MICAL1: variants seen among roughly 807,000 people sequenced by gnomAD.
The protein encoded by MICAL1 is [F-actin]-monooxygenase MICAL1.
Under a neutral mutation model 131.8 loss-of-function variants are expected in MICAL1, and 95 were observed. The observed-to-expected ratio is 0.72, with a 90% CI of 0.61 to 0.86. The LOEUF (loss-of-function observed/expected upper bound fraction) is 0.86. Ranked by LOEUF, MICAL1 falls within the 40% of genes least tolerant of loss-of-function variation. The pLI is 0.00. For missense variants in MICAL1, 1,292 were observed against 1,380.6 expected (o/e 0.94, Z 1.02); for synonymous variants, 546 against 554.2 (o/e 0.99, Z 0.21).
intron 3 of MICAL1, 119 bp from the exon 4 acceptor site, chr6:109,453,486 G>A: frequency 1.3e-6 from 2 of 1,498,616 alleles, no homozygotes; most frequent in Non-Finnish European, 1.8e-6. Flanking sequence ...CAGCCCAAAA[G>A]CCCACTTATA....
At chr6:109,446,529 T>C in intron 18 of MICAL1, 117 bp from the exon 19 acceptor site, 1 of 1,432,276 alleles carries the variant, frequency 7.0e-7, no homozygotes, top group Non-Finnish European at 9.7e-7. Context: ...GGCTGTGTTT[T>C]AGATACTTGA....
intron 1 of MICAL1, chr6:109,463,977 G>A (rs1775972185): frequency 6.6e-6 from 1 of 152,138 alleles, no homozygotes; most frequent in Non-Finnish European, 1.5e-5. Context: ...CGTATTTTCT[G>A]AATAATCACC....
At chr6:109,462,548 A>C (rs938836509) in intron 1 of MICAL1, 1 of 152,254 alleles carries the variant, frequency 6.6e-6, no homozygotes, top group African/African-American at 2.4e-5. Flanking sequence ...AAACCTAGAT[A>C]AGCATCTATA....
chr6:109,451,152 CTTTT>C (rs34927673), intron 7 of MICAL1, among the ~76,000 whole-genome samples: 11 of 134,486 alleles, frequency 8.2e-5, no homozygotes, highest in Admixed American at 1.5e-4. Flanking sequence ...CAGGGGAGAA[CTTTT>C]TTTTTTTTTT....
chr6:109,449,428 G>C lies in MICAL1; in HGVS notation c.1488C>G (p.Asp496Glu). Residue 496 changes from aspartate (D) to glutamate (E), a missense_variant, in exon 11 of 25, where the codon GAC (aspartate) becomes GAG (glutamate). Transcript: ENST00000358807. ...LAKEPVQRNNDKTDTGMPATG... is the reference protein window; with the variant it reads ...LAKEPVQRNNEKTDTGMPATG... ...TGGCTGGCATCCCTGTATCTGTCTT[G>C]TCGTTGTTCCTCTGCACAGGCTCCT... The C allele has an allele frequency of 4.3e-6, 7 of 1,614,212 alleles. No homozygotes were observed. In the South Asian group the frequency reaches 7.7e-5, roughly 18 times the overall value.
At chr6:109,459,995 T>G (rs959288510), upstream of MICAL1, among the ~76,000 whole-genome samples, 1 of 152,184 alleles carries the variant, frequency 6.6e-6, no homozygotes, top group Non-Finnish European at 1.5e-5. Flanking sequence ...AGTGACATAT[T>G]ATGGATATTA....
chr6:109,462,286 A>G (rs1775908532), intron 1 of MICAL1, among the ~76,000 whole-genome samples: 1 of 152,192 alleles, frequency 6.6e-6, no homozygotes, highest in African/African-American at 2.4e-5. Flanking sequence ...TTGATCTTGG[A>G]CTTTCTATTT....
chr6:109,452,702 C>T (rs559365976), intron 4 of MICAL1, 87 bp from the exon 5 acceptor site: 68 of 943,954 alleles, frequency 7.2e-5, no homozygotes, highest in Middle Eastern at 6.6e-4. Flanking sequence ...ATCATCAAAA[C>T]GTGTAAAGGA....
At position 109,449,219 on chromosome 6, in the gene MICAL1, T is replaced by A. The variant is rs1017940541; in HGVS notation, c.1516+181A>T. On this transcript the variant is annotated intron_variant, in intron 11 of 24. Coordinates refer to ENST00000358807, the MANE Select transcript of MICAL1 (RefSeq NM_022765.4). ...GCTTACATTCAGACTGGCAGCCAAC[T>A]GCTGCCTGTGCGGTGCTGCCCCTCC... 1.7e-4 allele frequency: 125 copies of A among 743,370 alleles called. 2 individuals are homozygous for A. Among genetic ancestry groups the A allele is most frequent in the South Asian group, 1.4e-3 (96 of 67,682 alleles). The allele number at this position is 743,370 out of a possible 1,614,324, so 46.0% of individuals were successfully genotyped here.
At position 109,447,103 on chromosome 6, in the gene MICAL1, G is replaced by A. The variant is rs750203059; in HGVS notation, c.2197C>T (p.Pro733Ser). ...RCHTCEATLW[P>S]GGYEQHPGDG... ...CCTGGGTGCTGCTCGTAGCCACCTG[G>A]CCACAGTGTGGCCTCACAGGTATGG... is the stretch of plus-strand genomic sequence containing the variant. Residue 733 changes from proline (P) to serine (S), a missense_variant, in exon 17 of 25, where the codon CCA becomes TCA. Pro to Ser is a moderately conservative substitution (Grantham distance 74). Coordinates refer to ENST00000358807, the MANE Select transcript of MICAL1 (RefSeq NM_022765.4). 49 of 1,613,996 alleles carry A rather than the reference G, an allele frequency of 3.0e-5. No individual in the cohort carries two copies. Among genetic ancestry groups the A allele is most frequent in the Non-Finnish European group, 4.1e-5 (48 of 1,180,006 alleles).
In MICAL1 at chr6:109,453,672, G is replaced by A. The variant is rs555685566; in HGVS notation, c.432C>T (p.Tyr144=). ...DLRALGAKKF[Y]GRFCTGTLDH... is the part of the protein sequence containing the mutation. ...CCAGGGTGCCGGTGCAGAAGCGCCC[G>A]TAGAACTTCTTAGCACCGAGTGCCC... The change falls in exon 3 of 25, where the codon TAC becomes TAT. Residue 144 remains tyrosine, a synonymous_variant. Coordinates refer to ENST00000358807, the MANE Select transcript of MICAL1 (RefSeq NM_022765.4). 21 of 1,613,212 alleles carry A rather than the reference G, an allele frequency of 1.3e-5. No individual in the cohort carries two copies. Among genetic ancestry groups the A allele is most frequent in the Admixed American group, 6.7e-5 (4 of 59,912 alleles).
chr6:109,449,984 C>T lies in MICAL1; in HGVS notation c.1293G>A (p.Glu431=), dbSNP rs768466452. The T allele has an allele frequency of 1.2e-6, 2 of 1,613,968 alleles. No homozygotes were observed. Among genetic ancestry groups the T allele is most frequent in the East Asian group, 2.2e-5 (1 of 44,876 alleles). The stretch of plus-strand genomic sequence containing the variant: ...TCAGGTCTTACCGCTCAGCCAACAC[C>T]TCTAGGGACTCAGCGCCCTCTGCCC... The part of the protein sequence containing the change: ...KRWAEGAESL[E]VLAERESLYQ... The change falls in exon 9 of 25, where the codon GAG becomes GAA. Residue 431 remains glutamate (E), a synonymous_variant. Transcript: ENST00000358807.
intron 1 of MICAL1, chr6:109,464,808 A>T (rs1479777768): frequency 6.6e-6 from 1 of 152,166 alleles, no homozygotes; most frequent in African/African-American, 2.4e-5. Context: ...CCTGTCTCTA[A>T]AAAAGGAAAG....
chr6:109,449,480 ACCT>A lies in MICAL1; in HGVS notation c.1435-2_1435del. ...GGCTAGCACATCATACAGGTCTCGT[ACCT>A]AAGGCAGCCCCGCTCAGGTCTCAAG... On this transcript the variant is annotated splice_acceptor_variant and coding_sequence_variant, in exon 11 of 25. Coordinates refer to ENST00000358807, the MANE Select transcript of MICAL1 (RefSeq NM_022765.4). LOFTEE classifies it high-confidence loss of function. The A allele has an allele frequency of 3.1e-6, 5 of 1,614,106 alleles. No individual in the cohort carries two copies. The highest frequency in any genetic ancestry group is 4.2e-6 in the Non-Finnish European group (5 of 1,180,018).
upstream of MICAL1, among the ~76,000 whole-genome samples, chr6:109,456,256 C>T (rs1451542141): frequency 6.6e-6 from 1 of 152,168 alleles, no homozygotes; most frequent in Non-Finnish European, 1.5e-5. Context: ...GCCGAGAGGG[C>T]GCTCAGGCTC....
chr6:109,448,751 G>A lies in MICAL1; in HGVS notation c.1645C>T (p.Arg549Trp), dbSNP rs372442120. The A allele has an allele frequency of 3.0e-5, 49 of 1,613,914 alleles. No homozygotes were observed. The highest frequency in any genetic ancestry group is 2.2e-4 in the South Asian group (20 of 91,086). ...DGLALCALVY[R>W]LQPGLLEPSE... is the part of the protein sequence containing the mutation. ...ACTCACAGCAGGCCAGGCTGCAGCCGGTACACCAGGGCACACAGAGCTAGC... is the reference window on the plus strand; with the variant it reads ...ACTCACAGCAGGCCAGGCTGCAGCCAGTACACCAGGGCACACAGAGCTAGC... Residue 549 changes from arginine to tryptophan, a missense_variant, in exon 12 of 25, where the codon CGG becomes TGG. Arg to Trp is a moderately radical substitution (Grantham distance 101). Coordinates refer to ENST00000358807, the MANE Select transcript of MICAL1 (RefSeq NM_022765.4).
At chr6:109,452,171 A>G in intron 6 of MICAL1, 75 bp downstream of exon 6, 2 of 1,539,252 alleles carry the variant, frequency 1.3e-6, no homozygotes, top group South Asian at 1.3e-5. Flanking sequence ...AGTGAGGACA[A>G]GTTTGGAAGG....
intron 1 of MICAL1, among the ~76,000 whole-genome samples, chr6:109,461,239 AATG>A (rs1775880968): frequency 6.6e-6 from 1 of 151,984 alleles, no homozygotes. Flanking sequence ...GTTTGCTGAG[AATG>A]ATGATTTCCA....
At position 109,454,065 on chromosome 6, in the gene MICAL1, C is replaced by T; in HGVS notation, c.132G>A (p.Gly44=). The T allele has an allele frequency of 1.2e-6, 2 of 1,613,992 alleles. No individual in the cohort carries two copies. Among genetic ancestry groups the T allele is most frequent in the Non-Finnish European group, 1.7e-6 (2 of 1,179,992 alleles). The change falls in exon 2 of 25, where the codon GGG becomes GGA. Residue 44 remains glycine, a synonymous_variant. Transcript: ENST00000358807. ...CGALGLEPGG[G]LPQYHKIKDQ... is the part of the protein sequence containing the mutation. ...CCTTGATCTTGTGGTACTGGGGCAG[C>T]CCCCCACCGGGTTCCAGCCCCAGGG...
Sources: allele counts gnomAD v4.1 joint callset (sites outside exome capture counted in the v4.1 genomes callset), GRCh38; gene constraint gnomAD v4.1.1; transcripts MANE v1.5; gene names NCBI Gene and HGNC (gene_info 2026-07-23, HGNC 2026-07-21).